Variants in MMP16 observed in about 807,000 individuals in gnomAD.
The protein encoded by MMP16 is matrix metallopeptidase 16.
Under a neutral mutation model 67.8 loss-of-function variants are expected in MMP16, and 12 were observed. The observed-to-expected ratio is 0.18, with a 90% CI of 0.11 to 0.29. MMP16 has a LOEUF of 0.29. Among genes scored for constraint, MMP16 ranks in the 10% least tolerant of loss-of-function variants. The probability of loss-of-function intolerance (pLI) is 1.00; values close to 1 mark genes in which losing one functional copy is unlikely to be tolerated. For synonymous variants in MMP16, 249 were observed against 255.9 expected, an observed-to-expected ratio of 0.97 and a Z score of 0.26; for missense variants, 475 against 765.7, an observed-to-expected ratio of 0.62 and a Z score of 4.48.
At chr8:88,250,837 T>C (rs1294737106) in intron 1 of MMP16, among the ~76,000 whole-genome samples, 3 of 151,658 alleles carry the variant, frequency 2.0e-5, no homozygotes, top group African/African-American at 4.8e-5. Context: ...GCAGGTTAGT[T>C]ACATACGCAT....
intron 4 of MMP16, among the ~76,000 whole-genome samples, chr8:88,161,586 T>C (rs1369917209): frequency 1.3e-5 from 2 of 152,190 alleles, no homozygotes. Context: ...TTTCTTGCCT[T>C]CTGATAGCTT....
At chr8:88,067,999 T>C (rs1424995973) in intron 7 of MMP16, among the ~76,000 whole-genome samples, 1 of 152,128 alleles carries the variant, frequency 6.6e-6, no homozygotes, top group Non-Finnish European at 1.5e-5. Flanking sequence ...CCAAAATGTT[T>C]TCCAGAGTAT....
chr8:88,259,927 G>A (rs1477897323), intron 1 of MMP16, among the ~76,000 whole-genome samples: 1 of 152,156 alleles, frequency 6.6e-6, no homozygotes, highest in Non-Finnish European at 1.5e-5. Context: ...GAATAAGTCA[G>A]AATCCAATAG....
intron 1 of MMP16, among the ~76,000 whole-genome samples, chr8:88,245,841 A>G (rs952586415): frequency 6.6e-6 from 1 of 152,210 alleles, no homozygotes; most frequent in Non-Finnish European, 1.5e-5. Context: ...GCAATAATAA[A>G]TAAAGCACCC....
intron 1 of MMP16, among the ~76,000 whole-genome samples, chr8:88,299,165 T>C (rs1811060324): frequency 6.6e-6 from 1 of 152,184 alleles, no homozygotes; most frequent in Non-Finnish European, 1.5e-5. Flanking sequence ...GAACGACACA[T>C]GCATCTGTTC....
rs539586043 is a variant in MMP16 at position 88,193,255 on chromosome 8, C to T, written c.281+3903G>A. Among the ~76,000 whole-genome samples the T allele has an allele frequency of 1.0e-3, 157 of 152,120 alleles. 1 individual carries two copies. The highest frequency in any genetic ancestry group is 3.6e-3 in the African/African-American group (151 of 41,518). On this transcript the variant is annotated intron_variant, in intron 2 of 9. Transcript: ENST00000286614. ...AATAAAATCCTGTAATTTGCAGCAA[C>T]GTGGGATAGAATTGGAAGACATTAT...
chr8:88,200,673 G>A (rs980585553), intron 1 of MMP16, among the ~76,000 whole-genome samples: 12 of 151,794 alleles, frequency 7.9e-5, no homozygotes, highest in African/African-American at 2.9e-4. Context: ...ATAAGGACAG[G>A]CAAACAAAAT....
At chr8:88,299,368 A>G (rs1405907155) in intron 1 of MMP16, among the ~76,000 whole-genome samples, 1 of 152,208 alleles carries the variant, frequency 6.6e-6, no homozygotes, top group Non-Finnish European at 1.5e-5. Context: ...TAATGCTAGC[A>G]TCGTATCTCT....
Position 88,150,946 on chromosome 8 carries a change from G to C in MMP16, c.709+16723C>G, listed in dbSNP as rs1298522523. On this transcript the variant is annotated intron_variant, in intron 4 of 9. Coordinates refer to ENST00000286614, the MANE Select transcript of MMP16 (RefSeq NM_005941.5). ...TTGGATAAAGAGTCAAGACCCATCA[G>C]TGTGCTGTATTCAGGAAACCCATCT... Among the ~76,000 whole-genome samples the C allele has an allele frequency of 3.6e-5, 5 of 137,500 alleles. No individual in the cohort carries two copies. The East Asian group carries it at 6.5e-4, about 18-fold the overall frequency. The allele number at this position is 137,500 out of a possible 152,430, so 90.2% of individuals were successfully genotyped here.
At chr8:88,189,455 C>T (rs1809131705) in intron 2 of MMP16, among the ~76,000 whole-genome samples, 1 of 152,166 alleles carries the variant, frequency 6.6e-6, no homozygotes, top group East Asian at 1.9e-4. Context: ...TCTTTCCTCA[C>T]ATCCAGTCAA....
chr8:88,258,810 T>G (rs2129942706), intron 1 of MMP16, among the ~76,000 whole-genome samples: 1 of 152,296 alleles, frequency 6.6e-6, no homozygotes, highest in Non-Finnish European at 1.5e-5. Flanking sequence ...CAGTATAAAG[T>G]TGGAATACTG....
intron 4 of MMP16, among the ~76,000 whole-genome samples, chr8:88,145,280 T>C (rs535685807): frequency 3.3e-5 from 5 of 152,104 alleles, no homozygotes; most frequent in African/African-American, 1.2e-4. Flanking sequence ...TGCTGAAAAC[T>C]GTAGGTAACT....
chr8:88,277,882 T>C (rs1227810862), intron 1 of MMP16, among the ~76,000 whole-genome samples: 1 of 152,176 alleles, frequency 6.6e-6, no homozygotes, highest in Non-Finnish European at 1.5e-5. Flanking sequence ...ACCTCAACAG[T>C]AGGTGTTCCT....
intron 4 of MMP16, among the ~76,000 whole-genome samples, chr8:88,154,686 G>T (rs979693703): frequency 1.3e-5 from 2 of 148,212 alleles, no homozygotes; most frequent in Non-Finnish European, 3.0e-5. Context: ...ATGGACACAT[G>T]AAGGGGAATA....
intron 4 of MMP16, among the ~76,000 whole-genome samples, chr8:88,132,505 G>A (rs538741313): frequency 7.9e-5 from 12 of 151,864 alleles, no homozygotes; most frequent in Non-Finnish European, 1.6e-4. Flanking sequence ...GCCCAATTAG[G>A]ACGTGTTGGC....
At chr8:88,105,693 T>C (rs1809225497) in intron 6 of MMP16, among the ~76,000 whole-genome samples, 2 of 151,406 alleles carry the variant, frequency 1.3e-5, no homozygotes, top group Non-Finnish European at 3.0e-5. Context: ...CATTCTTGTT[T>C]TCAAGGGGAA....
intron 6 of MMP16, among the ~76,000 whole-genome samples, chr8:88,094,701 T>C (rs1808996765): frequency 6.6e-6 from 1 of 151,780 alleles, no homozygotes; most frequent in African/African-American, 2.4e-5. Flanking sequence ...AGAAGTTATG[T>C]CTGTTTTCTC....
rs983162844 is a variant in MMP16 at position 88,034,027 on chromosome 8, C to T, written c.*7434G>A. The T allele has an allele frequency of 3.9e-5, 6 of 152,004 alleles. No individual in the cohort carries two copies. Among genetic ancestry groups the T allele is most frequent in the African/African-American group, 1.4e-4 (6 of 41,430 alleles). 9.4% of individuals were successfully genotyped at this position (152,004 alleles called of 1,614,324 possible). ...AACAGGCAATACCCATCATACTCAG[C>T]ATTTCACTTTTCTCAGGGGAATAGC... On this transcript the variant is annotated 3_prime_UTR_variant, in exon 10 of 10. Coordinates refer to ENST00000286614, the MANE Select transcript of MMP16 (RefSeq NM_005941.5).
intron 2 of MMP16, among the ~76,000 whole-genome samples, chr8:88,188,182 G>T (rs1303106634): frequency 5.9e-5 from 9 of 152,144 alleles, no homozygotes; most frequent in Admixed American, 3.9e-4. Context: ...TATTTTTATT[G>T]CATAGTTTAA....
Sources: gnomAD v4.1 joint callset for allele counts (sites outside exome capture counted in the v4.1 genomes callset) on GRCh38, gnomAD v4.1.1 for gene constraint, MANE v1.5 for transcripts, NCBI Gene and HGNC (gene_info 2026-07-23, HGNC 2026-07-21) for gene names.